The following CPNE4 variants were observed in gnomAD, a reference collection of about 807,000 sequenced individuals.
CPNE4 encodes the protein copine-4.
Under a neutral mutation model 67.9 loss-of-function variants are expected in CPNE4, and 25 were observed. That is an observed-to-expected ratio of 0.37 (90% CI 0.27 to 0.51). The LOEUF (loss-of-function observed/expected upper bound fraction) is 0.51, where lower values mean the gene tolerates loss of function less well. Ranked by LOEUF, CPNE4 falls within the 20% of genes least tolerant of loss-of-function variation. CPNE4 has a pLI of 0.93. For missense variants in CPNE4, 464 were observed against 690.8 expected (o/e 0.67, Z 3.68); for synonymous variants, 242 against 244.9 (o/e 0.99, Z 0.11).
intron 1 of CPNE4, among the ~76,000 whole-genome samples, chr3:131,906,519 T>C (rs979276460): frequency 1.3e-5 from 2 of 151,288 alleles, no homozygotes; most frequent in African/African-American, 4.9e-5. Context: ...TTTTTGTTCT[T>C]GCGATAGTTT....
At chr3:131,884,711 A>G (rs2087811249) in intron 2 of CPNE4, among the ~76,000 whole-genome samples, 1 of 152,068 alleles carries the variant, frequency 6.6e-6, no homozygotes, top group South Asian at 2.1e-4. Context: ...TTTCCTCCAT[A>G]CTGTTCTCAC....
intron 1 of CPNE4, among the ~76,000 whole-genome samples, chr3:132,012,315 T>C (rs2073787048): frequency 6.6e-6 from 1 of 152,078 alleles, no homozygotes; most frequent in South Asian, 2.1e-4. Context: ...ATTACAGGCA[T>C]GTGTCACGAC....
intron 1 of CPNE4, among the ~76,000 whole-genome samples, chr3:131,998,616 T>C (rs2073354505): frequency 6.6e-6 from 1 of 152,166 alleles, no homozygotes; most frequent in South Asian, 2.1e-4. Flanking sequence ...CAGAGTTGCA[T>C]TTTCTTAAGT....
intron 1 of CPNE4, among the ~76,000 whole-genome samples, chr3:131,978,822 G>A (rs2072825084): frequency 6.6e-6 from 1 of 151,396 alleles, no homozygotes; most frequent in South Asian, 2.1e-4. Context: ...TTTGATGTAG[G>A]CCTTTAGGGC....
intron 2 of CPNE4, among the ~76,000 whole-genome samples, chr3:131,779,217 T>C (rs934205415): frequency 6.6e-6 from 1 of 152,138 alleles, no homozygotes; most frequent in Admixed American, 6.6e-5. Flanking sequence ...TATTCCACAT[T>C]CATGGATAGG....
At chr3:131,639,577 T>A (rs558718856) in intron 7 of CPNE4, among the ~76,000 whole-genome samples, 19 of 152,108 alleles carry the variant, frequency 1.2e-4, no homozygotes, top group African/African-American at 4.6e-4. Flanking sequence ...CTATCAGACA[T>A]CCAAAGAAGA....
At chr3:131,650,978 T>C (rs1367384482) in intron 7 of CPNE4, among the ~76,000 whole-genome samples, 1 of 152,170 alleles carries the variant, frequency 6.6e-6, no homozygotes, top group Non-Finnish European at 1.5e-5. Flanking sequence ...CTGTGTCAGT[T>C]ACTTAATCTA....
Position 131,549,941 on chromosome 3 carries a change from C to A in CPNE4, c.1302+6G>T, listed in dbSNP as rs1426326905. The A allele has an allele frequency of 6.2e-7, 1 of 1,612,828 alleles. No homozygotes were observed. ...CCCCTTAGGAGGCAAATAGCCCCCT[C>A]CTTACCGATGCCTCCTTGGTGTTAG... On this transcript the variant is annotated splice_donor_region_variant and intron_variant, in intron 14 of 15. Coordinates refer to ENST00000429747, the MANE Select transcript of CPNE4 (RefSeq NM_130808.3).
intron 2 of CPNE4, among the ~76,000 whole-genome samples, chr3:131,781,692 C>A (rs899395944): frequency 6.6e-6 from 1 of 152,208 alleles, no homozygotes; most frequent in African/African-American, 2.4e-5. Context: ...GGTTTATATG[C>A]CAGTGAGACC....
At chr3:131,956,392 T>C (rs1048096427) in intron 1 of CPNE4, among the ~76,000 whole-genome samples, 33 of 152,210 alleles carry the variant, frequency 2.2e-4, no homozygotes, top group African/African-American at 9.6e-5. Context: ...ACCAAGTCAA[T>C]TTCTTTAAAG....
intron 2 of CPNE4, among the ~76,000 whole-genome samples, chr3:131,822,101 C>T (rs1267229679): frequency 6.6e-6 from 1 of 152,160 alleles, no homozygotes; most frequent in Non-Finnish European, 1.5e-5. Context: ...TTCAGTGCAA[C>T]TGGATTTACA....
At chr3:131,549,916 C>A (rs749371214) in intron 14 of CPNE4, 31 bp downstream of exon 14, 2 of 1,611,364 alleles carry the variant, frequency 1.2e-6, no homozygotes, top group Non-Finnish European at 1.7e-6. Flanking sequence ...AGAGTAAGCT[C>A]CCCTTAGGAG....
chr3:131,726,719 G>A (rs187197162), intron 2 of CPNE4, among the ~76,000 whole-genome samples: 1 of 135,208 alleles, frequency 7.4e-6, no homozygotes, highest in Non-Finnish European at 1.6e-5. Context: ...TAATCAACTG[G>A]GGGGGGCGGG....
Position 131,880,132 on chromosome 3 carries a change from AT to A in CPNE4, c.180+25131del, listed in dbSNP as rs1297226216. ...GCATATAGTATATATATATATACAT[AT>A]TTTTTTTTTTTGAGACGGAGTTTTA... is the stretch of plus-strand genomic sequence containing the variant. On this transcript the variant is annotated intron_variant, in intron 2 of 15. Coordinates refer to ENST00000429747, the MANE Select transcript of CPNE4 (RefSeq NM_130808.3). 1.4e-3 allele frequency among the ~76,000 whole-genome samples: 201 copies of A among 147,454 alleles called. 1 individual carries two copies. Among genetic ancestry groups the A allele is most frequent in the African/African-American group, 3.2e-3 (127 of 39,934 alleles).
chr3:131,535,462 A>T (rs1935084884), intron 15 of CPNE4, 133 bp from the exon 16 acceptor site: 3 of 819,292 alleles, frequency 3.7e-6, no homozygotes, highest in Non-Finnish European at 5.4e-6. Flanking sequence ...TCAAGGGTCT[A>T]CTTCAAGCAA....
chr3:131,772,659 A>G (rs2083196240), intron 2 of CPNE4, among the ~76,000 whole-genome samples: 1 of 152,152 alleles, frequency 6.6e-6, no homozygotes, highest in Non-Finnish European at 1.5e-5. Flanking sequence ...CGTCAATTGG[A>G]AAAAATGAGT....
intron 4 of CPNE4, among the ~76,000 whole-genome samples, chr3:131,698,066 C>T (rs563362108): frequency 3.8e-4 from 58 of 151,168 alleles, no homozygotes; most frequent in Non-Finnish European, 7.4e-4. Flanking sequence ...CCCATCTGTA[C>T]TAAAAAAATA....
rs1395399907 is a variant in CPNE4 at position 131,885,493 on chromosome 3, GTGTTTTT to G, written c.180+19764_180+19770del. Among the ~76,000 whole-genome samples the G allele has an allele frequency of 9.2e-5, 14 of 151,398 alleles. No individual in the cohort carries two copies. In the East Asian group the frequency reaches 1.4e-3, roughly 15 times the overall value. On this transcript the variant is annotated intron_variant, in intron 2 of 15. Coordinates refer to ENST00000429747, the MANE Select transcript of CPNE4 (RefSeq NM_130808.3). ...CACCTGTTGCAGTGGGCAAAGGATG[GTGTTTTT>G]TGTTTTTTGTTTTTCATATTTTAAA...
intron 1 of CPNE4, among the ~76,000 whole-genome samples, chr3:131,986,830 C>CAAAAAAAAAAAAAAA (rs369896508): frequency 1.1e-5 from 1 of 87,452 alleles, no homozygotes; most frequent in Non-Finnish European, 2.2e-5. Flanking sequence ...GACTCGGTCT[C>CAAAAAAAAAAAAAAA]AAAAAAAAAA....
Sources: gnomAD v4.1 joint callset for allele counts (sites outside exome capture counted in the v4.1 genomes callset) on GRCh38, gnomAD v4.1.1 for gene constraint, MANE v1.5 for transcripts, NCBI Gene and HGNC (gene_info 2026-07-23, HGNC 2026-07-21) for gene names.